PIGU: variants seen among roughly 807,000 people sequenced by gnomAD.
PIGU encodes phosphatidylinositol glycan anchor biosynthesis class U, also known as GPI-anchor transamidase component PIGU.
PIGU carries 24 observed loss-of-function variants against 49.9 expected under a neutral mutation model. The observed-to-expected ratio is 0.48, with a 90% CI of 0.35 to 0.68. The LOEUF (loss-of-function observed/expected upper bound fraction) is 0.68, where lower values mean the gene tolerates loss of function less well. Among genes scored for constraint, PIGU ranks in the 30% least tolerant of loss-of-function variants. PIGU has a pLI of 0.01. For missense variants in PIGU, 490 were observed against 532.6 expected, an observed-to-expected ratio of 0.92 and a Z score of 0.79; for synonymous variants, 220 against 205.7, an observed-to-expected ratio of 1.07 and a Z score of -0.59.
chr20:34,569,432 T>C (rs2146693956), intron 11 of PIGU, among the ~76,000 whole-genome samples: 1 of 152,232 alleles, frequency 6.6e-6, no homozygotes, highest in African/African-American at 2.4e-5. Flanking sequence ...GGTTTTGCCA[T>C]GTTGCCCAGG....
At chr20:34,582,821 C>A (rs749656416) in intron 9 of PIGU, among the ~76,000 whole-genome samples, 8 of 152,128 alleles carry the variant, frequency 5.3e-5, no homozygotes, top group Non-Finnish European at 1.0e-4. Flanking sequence ...ATACCATTCT[C>A]CTGAGTGCTG....
At chr20:34,612,158 C>T (rs1235088836) in intron 7 of PIGU, among the ~76,000 whole-genome samples, 7 of 152,152 alleles carry the variant, frequency 4.6e-5, no homozygotes, top group Admixed American at 2.6e-4. Context: ...ATATATACAC[C>T]ATGGAATACT....
At chr20:34,601,751 C>A (rs1772538001) in intron 7 of PIGU, among the ~76,000 whole-genome samples, 1 of 152,208 alleles carries the variant, frequency 6.6e-6, no homozygotes, top group Non-Finnish European at 1.5e-5. Flanking sequence ...CATACTATTT[C>A]TTTTTCTAAT....
At chr20:34,647,469 C>T (rs1020412339) in intron 2 of PIGU, among the ~76,000 whole-genome samples, 1 of 144,730 alleles carries the variant, frequency 6.9e-6, no homozygotes, top group Admixed American at 7.1e-5. Flanking sequence ...ACCATCTCGG[C>T]CAGGCTGGTC....
intron 9 of PIGU, among the ~76,000 whole-genome samples, chr20:34,584,837 G>A (rs565441013): frequency 7.2e-5 from 11 of 152,146 alleles, no homozygotes; most frequent in African/African-American, 2.4e-4. Context: ...ATAGGCACCC[G>A]CCACTATACC....
At chr20:34,676,808 CAGG>C in intron 1 of PIGU, 145 bp downstream of exon 1, 6 of 1,084,404 alleles carry the variant, frequency 5.5e-6, no homozygotes, top group South Asian at 1.5e-5. Flanking sequence ...GCCCCGCCCT[CAGG>C]CCCCGCCCTC....
At chr20:34,601,798 C>T (rs1432167639) in intron 7 of PIGU, among the ~76,000 whole-genome samples, 1 of 152,122 alleles carries the variant, frequency 6.6e-6, no homozygotes, top group East Asian at 1.9e-4. Flanking sequence ...TTGGACATAC[C>T]AAAGACCACC....
intron 10 of PIGU, among the ~76,000 whole-genome samples, chr20:34,579,791 G>A (rs1300568134): frequency 2.6e-5 from 4 of 152,194 alleles, no homozygotes; most frequent in Admixed American, 2.0e-4. Context: ...ACCCCAGAGG[G>A]CATAAAATAG....
chr20:34,666,159 C>G (rs1006105404), intron 1 of PIGU, among the ~76,000 whole-genome samples: 1 of 151,968 alleles, frequency 6.6e-6, no homozygotes, highest in Non-Finnish European at 1.5e-5. Flanking sequence ...GTACTCCAGC[C>G]CGGGCGATAG....
At chr20:34,675,678 T>G (rs762121377) in intron 1 of PIGU, among the ~76,000 whole-genome samples, 3 of 152,164 alleles carry the variant, frequency 2.0e-5, no homozygotes, top group Non-Finnish European at 4.4e-5. Context: ...CACCCATTCA[T>G]TATGCCGTTC....
chr20:34,671,235 C>T (rs1211484261), intron 1 of PIGU, among the ~76,000 whole-genome samples: 1 of 152,100 alleles, frequency 6.6e-6, no homozygotes, highest in Non-Finnish European at 1.5e-5. Flanking sequence ...ATGTAAAAAG[C>T]ATCATATCAT....
At chr20:34,579,788 A>G (rs1052296825) in intron 10 of PIGU, among the ~76,000 whole-genome samples, 9 of 152,352 alleles carry the variant, frequency 5.9e-5, no homozygotes, top group African/African-American at 2.2e-4. Context: ...CTCACCCCAG[A>G]GGGCATAAAA....
intron 2 of PIGU, among the ~76,000 whole-genome samples, chr20:34,646,320 G>A (rs1461333763): frequency 2.0e-5 from 3 of 152,124 alleles, no homozygotes; most frequent in Non-Finnish European, 4.4e-5. Context: ...CAAGCTTACT[G>A]ACAAAATTGT....
chr20:34,660,521 G>T (rs1233947504), intron 1 of PIGU, among the ~76,000 whole-genome samples: 2 of 152,180 alleles, frequency 1.3e-5, no homozygotes, highest in Non-Finnish European at 2.9e-5. Context: ...GGAGGCGGAG[G>T]TTGCAATGAG....
At chr20:34,650,700 C>CTCTTTTTTTTTTTTTTTTTTT (rs1986509194) in intron 2 of PIGU, among the ~76,000 whole-genome samples, 1 of 38,778 alleles carries the variant, frequency 2.6e-5, no homozygotes, top group African/African-American at 1.2e-4. Flanking sequence ...CTTTTTTTCT[C>CTCTTTTTTTTTTTTTTTTTTT]TTTTTTTTTT....
At chr20:34,570,423 A>ATTTTTTTTTTTT (rs748089105) in intron 11 of PIGU, among the ~76,000 whole-genome samples, 3 of 149,590 alleles carry the variant, frequency 2.0e-5, no homozygotes, top group Non-Finnish European at 1.5e-5. Context: ...ATTTATTTTT[A>ATTTTTTTTTTTT]TTTTTTTTTG....
At chr20:34,653,115 G>C (rs762047917) in intron 2 of PIGU, among the ~76,000 whole-genome samples, 30 of 152,034 alleles carry the variant, frequency 2.0e-4, no homozygotes, top group Non-Finnish European at 3.2e-4. Flanking sequence ...TGGGATTACA[G>C]GTGCACAACA....
At chr20:34,652,690 T>C (rs954720604) in intron 2 of PIGU, among the ~76,000 whole-genome samples, 1 of 152,166 alleles carries the variant, frequency 6.6e-6, no homozygotes, top group African/African-American at 2.4e-5. Context: ...CTTTCTAATT[T>C]CCTTTCTGAT....
chr20:34,598,601 C>A (rs1309422971), intron 7 of PIGU, among the ~76,000 whole-genome samples: 1 of 152,226 alleles, frequency 6.6e-6, no homozygotes, highest in Non-Finnish European at 1.5e-5. Context: ...ACAAACTATT[C>A]TAGAAGCTCC....
Sources: gnomAD v4.1 joint callset for allele counts (sites outside exome capture counted in the v4.1 genomes callset) on GRCh38, gnomAD v4.1.1 for gene constraint, MANE v1.5 for transcripts, NCBI Gene and HGNC (gene_info 2026-07-23, HGNC 2026-07-21) for gene names.